LRRTM4: variants seen among roughly 807,000 people sequenced by gnomAD.
LRRTM4 encodes leucine-rich repeat transmembrane neuronal protein 4.
LRRTM4 carries 25 observed loss-of-function variants against 47.6 expected under a neutral mutation model. The observed-to-expected ratio is 0.53, with a 90% CI of 0.38 to 0.73. LRRTM4 has a LOEUF of 0.73. Among genes scored for constraint, LRRTM4 ranks in the 30% least tolerant of loss-of-function variants. The pLI is 0.00. For synonymous variants in LRRTM4, 311 were observed against 269.5 expected (o/e 1.15, Z -1.51); for missense variants, 638 against 713.4 (o/e 0.89, Z 1.20).
intron 3 of LRRTM4, among the ~76,000 whole-genome samples, chr2:77,097,980 C>T (rs909102087): frequency 3.3e-5 from 5 of 151,496 alleles, no homozygotes; most frequent in Admixed American, 6.6e-5. Context: ...GAAAATAAGG[C>T]GATAAAATTA....
At chr2:77,419,493 G>A (rs566222226) in intron 3 of LRRTM4, among the ~76,000 whole-genome samples, 47 of 152,068 alleles carry the variant, frequency 3.1e-4, no homozygotes, top group African/African-American at 1.0e-3. Context: ...AATACTTAAC[G>A]CAATGTAAGT....
chr2:77,429,423 G>A (rs769035547), intron 3 of LRRTM4, among the ~76,000 whole-genome samples: 10 of 151,860 alleles, frequency 6.6e-5, no homozygotes, highest in Admixed American at 6.6e-4. Context: ...AGCATTATTC[G>A]CAATAGCCAA....
intron 3 of LRRTM4, among the ~76,000 whole-genome samples, chr2:76,789,392 C>G (rs996963856): frequency 6.6e-6 from 1 of 152,286 alleles, no homozygotes; most frequent in East Asian, 1.9e-4. Flanking sequence ...GCTCTAGTGA[C>G]CTCTCTCTTT....
intron 3 of LRRTM4, among the ~76,000 whole-genome samples, chr2:77,298,282 G>C (rs1677028160): frequency 6.6e-6 from 1 of 152,172 alleles, no homozygotes; most frequent in Non-Finnish European, 1.5e-5. Flanking sequence ...TGTCGCCCAG[G>C]CTGGAGTGCA....
chr2:77,365,810 T>G (rs181961700), intron 3 of LRRTM4, among the ~76,000 whole-genome samples: 6 of 150,824 alleles, frequency 4.0e-5, no homozygotes, highest in African/African-American at 1.5e-4. Context: ...GTAAACCTAT[T>G]TGATGGAAAT....
intron 3 of LRRTM4, among the ~76,000 whole-genome samples, chr2:77,292,826 A>G (rs1178717116): frequency 6.6e-6 from 1 of 151,730 alleles, no homozygotes; most frequent in African/African-American, 2.4e-5. Context: ...GTGCACATGT[A>G]CCCTAAAACT....
chr2:77,309,596 G>GC (rs1304813105), intron 3 of LRRTM4, among the ~76,000 whole-genome samples: 2 of 152,176 alleles, frequency 1.3e-5, no homozygotes, highest in South Asian at 2.1e-4. Context: ...AGGAAAGCTA[G>GC]CCCCCTGGGA....
intron 3 of LRRTM4, among the ~76,000 whole-genome samples, chr2:76,776,323 G>T (rs535065388): frequency 6.6e-6 from 1 of 152,128 alleles, no homozygotes; most frequent in Non-Finnish European, 1.5e-5. Context: ...GATCCCTGAG[G>T]AATCGCCACA....
At chr2:77,294,155 T>C (rs946179506) in intron 3 of LRRTM4, among the ~76,000 whole-genome samples, 1 of 152,090 alleles carries the variant, frequency 6.6e-6, no homozygotes, top group African/African-American at 2.4e-5. Flanking sequence ...TTCTCTGTTT[T>C]TGTTTTTTGG....
rs140101140 is a variant in LRRTM4 at position 77,439,144 on chromosome 2, T to G, written c.1551+79174A>C. ...TGAAGTGAGGTGAAGCTGAAGACAT[T>G]ACCCTTTCAAGCCTAAGATTCTGCA... On this transcript the variant is annotated intron_variant, in intron 3 of 3. Coordinates refer to ENST00000409884, the MANE Select transcript of LRRTM4 (RefSeq NM_001134745.3). Among the ~76,000 whole-genome samples, 954 of 152,248 alleles carry G rather than the reference T, an allele frequency of 6.3e-3. 3 individuals are homozygous for G. Among genetic ancestry groups the G allele is most frequent in the Middle Eastern group, 0.027 (8 of 294 alleles).
At chr2:76,750,038 T>TA (rs1460908812) in intron 3 of LRRTM4, among the ~76,000 whole-genome samples, 1 of 152,216 alleles carries the variant, frequency 6.6e-6, no homozygotes, top group Non-Finnish European at 1.5e-5. Context: ...TATTTGTGGT[T>TA]TCCTGTTAGG....
chr2:77,505,818 G>A (rs1205414975), intron 3 of LRRTM4, among the ~76,000 whole-genome samples: 1 of 151,526 alleles, frequency 6.6e-6, no homozygotes, highest in Non-Finnish European at 1.5e-5. Context: ...AGAAAGGAAT[G>A]ATATAAATCG....
At chr2:76,956,807 T>C (rs566687720) in intron 3 of LRRTM4, among the ~76,000 whole-genome samples, 1 of 151,534 alleles carries the variant, frequency 6.6e-6, no homozygotes, top group Non-Finnish European at 1.5e-5. Flanking sequence ...GAGATTACTA[T>C]GAAAAATTTT....
chr2:77,047,545 T>C, intron 3 of LRRTM4, among the ~76,000 whole-genome samples: 1 of 152,008 alleles, frequency 6.6e-6, no homozygotes, highest in East Asian at 1.9e-4. Flanking sequence ...TCAGGTTATA[T>C]AAACATCACC....
intron 3 of LRRTM4, among the ~76,000 whole-genome samples, chr2:77,329,890 G>A (rs767580707): frequency 1.3e-5 from 2 of 152,122 alleles, no homozygotes; most frequent in Non-Finnish European, 2.9e-5. Flanking sequence ...TGCGTTACAG[G>A]GGTAGACAAG....
chr2:77,464,659 G>A (rs77161941), intron 3 of LRRTM4, among the ~76,000 whole-genome samples: 8,269 of 152,042 alleles, frequency 0.054, 263 homozygotes, highest in Middle Eastern at 0.095. Context: ...GGCACGTTTT[G>A]TTCTTCAGAA....
At chr2:77,407,688 TAA>T (rs1674260759) in intron 3 of LRRTM4, among the ~76,000 whole-genome samples, 4 of 137,560 alleles carry the variant, frequency 2.9e-5, no homozygotes, top group African/African-American at 1.1e-4. Context: ...ATATTTAATA[TAA>T]TATATGATAT....
chr2:77,511,650 G>A (rs1370508996), intron 3 of LRRTM4, among the ~76,000 whole-genome samples: 1 of 151,608 alleles, frequency 6.6e-6, no homozygotes, highest in Non-Finnish European at 1.5e-5. Context: ...GTTTGTACAT[G>A]GAAAGAAAAT....
intron 3 of LRRTM4, among the ~76,000 whole-genome samples, chr2:77,413,409 C>T (rs1035263301): frequency 2.0e-5 from 3 of 152,160 alleles, no homozygotes; most frequent in Non-Finnish European, 2.9e-5. Context: ...ACCTCCTAAA[C>T]TCATCCTACG....
Sources: gnomAD v4.1 joint callset for allele counts (sites outside exome capture counted in the v4.1 genomes callset) on GRCh38, gnomAD v4.1.1 for gene constraint, MANE v1.5 for transcripts, NCBI Gene and HGNC (gene_info 2026-07-23, HGNC 2026-07-21) for gene names.